TMCO4: variants seen among roughly 807,000 people sequenced by gnomAD.
TMCO4 encodes transmembrane and coiled-coil domains 4.
A neutral mutation model predicts 64.7 loss-of-function variants in TMCO4; 58 were observed. That is an observed-to-expected ratio of 0.90 (90% CI 0.73 to 1.12). The LOEUF (loss-of-function observed/expected upper bound fraction) is 1.12. TMCO4 is among the 50% of genes most tolerant of loss of function. The pLI, the probability that TMCO4 is intolerant of heterozygous loss-of-function variation, is 0.00. For missense variants in TMCO4, 780 were observed against 825.9 expected (o/e 0.94, Z 0.68); for synonymous variants, 325 against 346.1 (o/e 0.94, Z 0.68).
intron 14 of TMCO4, among the ~76,000 whole-genome samples, chr1:19,696,873 G>A (rs1402724468): frequency 6.6e-6 from 1 of 152,194 alleles, no homozygotes; most frequent in Non-Finnish European, 1.5e-5. Context: ...TCACTGTGCT[G>A]AGCAAACCAT....
chr1:19,748,989 T>C (rs1352021262), intron 7 of TMCO4, among the ~76,000 whole-genome samples: 1 of 152,184 alleles, frequency 6.6e-6, no homozygotes, highest in East Asian at 1.9e-4. Flanking sequence ...AGCCCAGTGT[T>C]TCTCAGTCAC....
intron 13 of TMCO4, among the ~76,000 whole-genome samples, chr1:19,722,086 G>A (rs1234191238): frequency 6.6e-6 from 1 of 152,176 alleles, no homozygotes; most frequent in Non-Finnish European, 1.5e-5. Context: ...AGAGTAGTCC[G>A]TTTCCTATCA....
chr1:19,685,831 A>G (rs796620744), intron 15 of TMCO4, among the ~76,000 whole-genome samples: 4 of 148,356 alleles, frequency 2.7e-5, no homozygotes, highest in African/African-American at 9.9e-5. Context: ...CTCCTGTCTC[A>G]GCCTCCCGAG....
At chr1:19,791,609 G>A (rs1006748676) in intron 2 of TMCO4, among the ~76,000 whole-genome samples, 7 of 152,210 alleles carry the variant, frequency 4.6e-5, no homozygotes, top group African/African-American at 1.7e-4. Context: ...AATAAAACTG[G>A]ATCTCAAGTG....
At chr1:19,739,335 T>C (rs2095469131) in intron 12 of TMCO4, among the ~76,000 whole-genome samples, 2 of 152,238 alleles carry the variant, frequency 1.3e-5, no homozygotes, top group African/African-American at 4.8e-5. Flanking sequence ...AAAGATGACC[T>C]CACAAAGTAG....
Position 19,746,503 on chromosome 1 carries a change from A to AT in TMCO4, c.709dup (p.Ile237AsnfsTer28). On this transcript the variant is annotated frameshift_variant, in exon 9 of 16. Coordinates refer to ENST00000294543, the MANE Select transcript of TMCO4 (RefSeq NM_181719.7). LOFTEE classifies it high-confidence loss of function. ...ACCAAACAGCGAGGTCATGATGGCT[A>AT]TGCCGGCTGCTGAGCCCAGAGCCGC... is the stretch of plus-strand genomic sequence containing the variant. 1 of 1,612,756 alleles carries AT rather than the reference A, an allele frequency of 6.2e-7. No homozygotes were observed. The highest frequency in any genetic ancestry group is 8.5e-7 in the Non-Finnish European group (1 of 1,179,516).
At chr1:19,745,732 T>C (rs1041694902) in intron 9 of TMCO4, 81 bp from the exon 10 acceptor site, 1 of 1,504,838 alleles carries the variant, frequency 6.6e-7, no homozygotes, top group Non-Finnish European at 8.9e-7. Context: ...TTCTCACACA[T>C]GCACACAGTG....
chr1:19,741,738 C>CTTTTT (rs773061506), intron 10 of TMCO4, among the ~76,000 whole-genome samples: 1 of 144,638 alleles, frequency 6.9e-6, no homozygotes. Context: ...TTCTTTCTTT[C>CTTTTT]TTTCTTTTTT....
At chr1:19,731,940 A>C (rs1300257439) in intron 13 of TMCO4, among the ~76,000 whole-genome samples, 2 of 152,202 alleles carry the variant, frequency 1.3e-5, no homozygotes, top group Non-Finnish European at 2.9e-5. Flanking sequence ...CTCTGGAAAG[A>C]AAAAGGAAAA....
intron 14 of TMCO4, among the ~76,000 whole-genome samples, chr1:19,696,118 G>A (rs181704717): frequency 3.3e-5 from 5 of 152,270 alleles, no homozygotes; most frequent in Admixed American, 2.6e-4. Flanking sequence ...TGACCACTGT[G>A]CTCCCTTATA....
At chr1:19,765,454 A>T (rs55681369) in intron 6 of TMCO4, among the ~76,000 whole-genome samples, 92,423 of 151,798 alleles carry the variant, frequency 0.61, 29,553 homozygotes, top group African/African-American at 0.82. Flanking sequence ...AACCTAGAGG[A>T]CATTGGAGCC....
At chr1:19,748,478 CT>C (rs1282361488) in intron 7 of TMCO4, among the ~76,000 whole-genome samples, 3 of 152,170 alleles carry the variant, frequency 2.0e-5, no homozygotes, top group African/African-American at 7.2e-5. Context: ...CATCTCCCTC[CT>C]TGTGAACCAT....
chr1:19,708,988 T>C lies in TMCO4; in HGVS notation c.1265-8103A>G, dbSNP rs371619118. On this transcript the variant is annotated intron_variant, in intron 13 of 15. Transcript: ENST00000294543. ...TTGAAGGAAACACTATGAACTGCAC[T>C]AACACAAATGAAATCCATTCCAAAG... is the stretch of plus-strand genomic sequence containing the variant. Among the ~76,000 whole-genome samples the C allele has an allele frequency of 5.7e-4, 87 of 152,164 alleles. 2 individuals carry two copies. In the South Asian group the frequency reaches 0.018, roughly 31 times the overall value.
intron 11 of TMCO4, 66 bp from the exon 12 acceptor site, chr1:19,740,026 G>A: frequency 6.6e-7 from 1 of 1,518,320 alleles, no homozygotes; most frequent in Admixed American, 2.1e-5. Context: ...GGAAGTGACT[G>A]GCTAACAGAT....
intron 7 of TMCO4, among the ~76,000 whole-genome samples, chr1:19,749,278 C>A (rs1019656958): frequency 1.3e-5 from 2 of 152,216 alleles, no homozygotes; most frequent in South Asian, 2.1e-4. Context: ...ATTATGCATC[C>A]CTGCCCTGTC....
intron 13 of TMCO4, among the ~76,000 whole-genome samples, chr1:19,731,624 C>T (rs531206972): frequency 1.8e-4 from 28 of 152,360 alleles, no homozygotes; most frequent in Middle Eastern, 3.4e-3. Context: ...TACCTTGCCG[C>T]GTCCTGCAAG....
rs540540309 is a variant in TMCO4 at position 19,769,141 on chromosome 1, T to A, written c.382+1401A>T. Among the ~76,000 whole-genome samples, 5 of 152,070 alleles carry A rather than the reference T, an allele frequency of 3.3e-5. No individual in the cohort carries two copies. In the East Asian group the frequency reaches 9.7e-4, roughly 29 times the overall value. ...CTGACTACCACCTGCCCTGAAAGGG[T>A]CACTGGAGACAAACGCTAGGATTCC... On this transcript the variant is annotated intron_variant, in intron 6 of 15. Coordinates refer to ENST00000294543, the MANE Select transcript of TMCO4 (RefSeq NM_181719.7).
At chr1:19,688,043 G>C (rs1424365213) in intron 15 of TMCO4, among the ~76,000 whole-genome samples, 2 of 152,172 alleles carry the variant, frequency 1.3e-5, no homozygotes, top group African/African-American at 4.8e-5. Context: ...AGCCGATACT[G>C]CGTGAAGATT....
intron 10 of TMCO4, among the ~76,000 whole-genome samples, chr1:19,742,664 C>T (rs71645465): frequency 6.6e-6 from 1 of 152,154 alleles, no homozygotes; most frequent in African/African-American, 2.4e-5. Context: ...AAACCCAGCT[C>T]GATGGCTTCC....
Sources: gnomAD v4.1 joint callset for allele counts (sites outside exome capture counted in the v4.1 genomes callset) on GRCh38, gnomAD v4.1.1 for gene constraint, MANE v1.5 for transcripts, NCBI Gene and HGNC (gene_info 2026-07-23, HGNC 2026-07-21) for gene names.